Variants in PPP1R9A observed in about 807,000 individuals in gnomAD.
PPP1R9A encodes the protein protein phosphatase 1 regulatory subunit 9A, also known as neurabin-1.
A neutral mutation model predicts 141.9 loss-of-function variants in PPP1R9A; 59 were observed. That is an observed-to-expected ratio of 0.42 (90% CI 0.34 to 0.52). The LOEUF (loss-of-function observed/expected upper bound fraction) is 0.52, where lower values mean the gene tolerates loss of function less well. PPP1R9A is among the 20% of genes least tolerant of loss of function. The probability of loss-of-function intolerance (pLI) is 0.10; values close to 1 mark genes in which losing one functional copy is unlikely to be tolerated. For missense variants in PPP1R9A, 1,444 were observed against 1,611.9 expected, an observed-to-expected ratio of 0.90 and a Z score of 1.78; for synonymous variants, 500 against 569.7, an observed-to-expected ratio of 0.88 and a Z score of 1.74.
At chr7:94,993,811 T>G (rs1012792020) in intron 2 of PPP1R9A, among the ~76,000 whole-genome samples, 1 of 152,212 alleles carries the variant, frequency 6.6e-6, no homozygotes, top group Non-Finnish European at 1.5e-5. Flanking sequence ...CAGACTGCCA[T>G]GTTGTCTGTG....
At chr7:95,073,405 A>G (rs1814297287) in intron 2 of PPP1R9A, among the ~76,000 whole-genome samples, 1 of 152,142 alleles carries the variant, frequency 6.6e-6, no homozygotes, top group Non-Finnish European at 1.5e-5. Context: ...ACTCTGGTAT[A>G]GTTGTTTTAG....
intron 2 of PPP1R9A, among the ~76,000 whole-genome samples, chr7:95,022,411 A>G (rs1360696501): frequency 4.6e-5 from 7 of 152,174 alleles, no homozygotes; most frequent in Admixed American, 3.9e-4. Context: ...ATATACAATT[A>G]TGTCATCTGC....
chr7:95,203,623 G>A lies in PPP1R9A; in HGVS notation c.1891-42G>A, dbSNP rs551726576. The A allele has an allele frequency of 2.1e-4, 296 of 1,442,558 alleles. 2 individuals carry two copies. In the East Asian group the frequency reaches 7.0e-3, roughly 34 times the overall value. 89.4% of individuals were successfully genotyped at this position (1,442,558 alleles called of 1,614,324 possible). A position where few individuals can be genotyped will look rare whatever the true frequency, so the allele number is the denominator to read the frequency against. On this transcript the variant is annotated intron_variant, in intron 6 of 19. Coordinates refer to ENST00000433360, the MANE Select transcript of PPP1R9A (RefSeq NM_001166160.2). ...CCTTTATCAGGCTGCTCTCTGCGGT[G>A]GGGGTTAAGCCTTCTTTAATATTTT...
At chr7:95,090,622 A>G (rs1013709185) in intron 2 of PPP1R9A, among the ~76,000 whole-genome samples, 2 of 151,938 alleles carry the variant, frequency 1.3e-5, no homozygotes, top group Admixed American at 6.6e-5. Context: ...AGCCTGGTCA[A>G]CATAGTGAAA....
intron 2 of PPP1R9A, among the ~76,000 whole-genome samples, chr7:95,003,191 C>A (rs1803173147): frequency 6.6e-6 from 1 of 151,992 alleles, no homozygotes; most frequent in African/African-American, 2.4e-5. Context: ...TTCTTAGTTG[C>A]TAAAGAAAAC....
chr7:95,021,075 A>T (rs1419182936), intron 2 of PPP1R9A, among the ~76,000 whole-genome samples: 1 of 152,242 alleles, frequency 6.6e-6, no homozygotes, highest in East Asian at 1.9e-4. Flanking sequence ...GGTTGAACTA[A>T]TTTACACTCC....
At chr7:95,286,965 CTT>C (rs3214161) in intron 18 of PPP1R9A, 12 of 762,352 alleles carry the variant, frequency 1.6e-5, no homozygotes, top group South Asian at 7.0e-5. Context: ...ATTCACAAAA[CTT>C]TTTTTTTTCT....
intron 2 of PPP1R9A, among the ~76,000 whole-genome samples, chr7:95,110,267 C>T (rs1584738917): frequency 6.6e-6 from 1 of 152,250 alleles, no homozygotes; most frequent in South Asian, 2.1e-4. Context: ...AGGAAATAGA[C>T]ATGATTTCTT....
chr7:95,149,815 A>G (rs1314685417), intron 4 of PPP1R9A, among the ~76,000 whole-genome samples: 3 of 145,760 alleles, frequency 2.1e-5, no homozygotes, highest in Admixed American at 7.0e-5. Context: ...ATTTCAATCC[A>G]AATTTCAGCA....
Position 95,252,073 on chromosome 7 carries a change from G to T in PPP1R9A, c.2608G>T (p.Asp870Tyr). 1 of 1,610,928 alleles carries T rather than the reference G, an allele frequency of 6.2e-7. No homozygotes were observed. Among genetic ancestry groups the T allele is most frequent in the Non-Finnish European group, 8.5e-7 (1 of 1,179,020 alleles). Residue 870 changes from aspartate (D) to tyrosine (Y), a missense_variant, in exon 12 of 20, where the codon GAT becomes TAT. Physicochemically the swap from Asp to Tyr is radical, Grantham distance 160 (BLOSUM62 -3). Transcript: ENST00000433360. ...ATCTCTTGGTGAAGTCTCTAAAGGGGATACCATGGAGAACTTGGATGGCAA... is the reference window on the plus strand; with the variant it reads ...ATCTCTTGGTGAAGTCTCTAAAGGGTATACCATGGAGAACTTGGATGGCAA... Reference protein sequence around the residue: ...RTSLGEVSKGDTMENLDGKQT... With the variant: ...RTSLGEVSKGYTMENLDGKQT...
chr7:94,908,588 C>T (rs1321213985), intron 1 of PPP1R9A: 1 of 152,148 alleles, frequency 6.6e-6, no homozygotes, highest in Non-Finnish European at 1.5e-5. Flanking sequence ...AATCGGCTGC[C>T]TCTCAAGTTG....
At chr7:95,081,060 A>T (rs565536955) in intron 2 of PPP1R9A, among the ~76,000 whole-genome samples, 2 of 152,208 alleles carry the variant, frequency 1.3e-5, no homozygotes, top group East Asian at 3.8e-4. Flanking sequence ...GAATCAATTA[A>T]TTCAGAAGGG....
chr7:94,935,730 TA>T (rs1456369260), intron 2 of PPP1R9A, among the ~76,000 whole-genome samples: 1 of 152,224 alleles, frequency 6.6e-6, no homozygotes, highest in African/African-American at 2.4e-5. Flanking sequence ...AGGCTTATGA[TA>T]AAGTGGTTTC....
intron 12 of PPP1R9A, among the ~76,000 whole-genome samples, chr7:95,266,392 T>C (rs891768530): frequency 1.4e-4 from 22 of 152,060 alleles, no homozygotes; most frequent in African/African-American, 5.3e-4. Context: ...AGATGGAGCC[T>C]ATTGGAGAAA....
chr7:95,030,260 T>G (rs546427903), intron 2 of PPP1R9A, among the ~76,000 whole-genome samples: 9 of 152,300 alleles, frequency 5.9e-5, no homozygotes, highest in African/African-American at 2.2e-4. Context: ...TGAGAAATAT[T>G]TAGAAAGATT....
intron 2 of PPP1R9A, among the ~76,000 whole-genome samples, chr7:95,037,382 A>G (rs1390314065): frequency 6.6e-6 from 1 of 152,176 alleles, no homozygotes; most frequent in Non-Finnish European, 1.5e-5. Context: ...AATATAAAGC[A>G]TTGTCACTCT....
intron 2 of PPP1R9A, among the ~76,000 whole-genome samples, chr7:94,952,855 T>C (rs1409446344): frequency 6.6e-6 from 1 of 152,206 alleles, no homozygotes; most frequent in Non-Finnish European, 1.5e-5. Context: ...TTCTGGATAT[T>C]AGCCCTTTGT....
chr7:95,042,197 A>G (rs569592802), intron 2 of PPP1R9A, among the ~76,000 whole-genome samples: 23 of 152,270 alleles, frequency 1.5e-4, no homozygotes, highest in Admixed American at 2.0e-4. Context: ...TACCAAAAAT[A>G]TTCCGTTTTC....
chr7:95,100,086 T>A (rs1470720929), intron 2 of PPP1R9A, among the ~76,000 whole-genome samples: 1 of 152,086 alleles, frequency 6.6e-6, no homozygotes, highest in African/African-American at 2.4e-5. Context: ...TGTGTGTGCA[T>A]GTATGTATAT....
Sources: allele counts gnomAD v4.1 joint callset (sites outside exome capture counted in the v4.1 genomes callset), GRCh38; gene constraint gnomAD v4.1.1; transcripts MANE v1.5; gene names NCBI Gene and HGNC (gene_info 2026-07-23, HGNC 2026-07-21).